The following ALG12 variants were observed in gnomAD, a reference collection of about 807,000 sequenced individuals.
ALG12 encodes ALG12 alpha-1,6-mannosyltransferase.
Under a neutral mutation model 46.0 loss-of-function variants are expected in ALG12, and 36 were observed. The ratio of observed to expected loss-of-function variants is 0.78; its 90% confidence interval spans 0.60 to 1.03. The LOEUF (loss-of-function observed/expected upper bound fraction) is 1.03. Among genes scored for constraint, ALG12 ranks in the 50% least tolerant of loss-of-function variants. ALG12 has a pLI of 0.00. For missense variants in ALG12, 599 were observed against 633.5 expected (o/e 0.95, Z 0.58); for synonymous variants, 326 against 291.6 (o/e 1.12, Z -1.20).
chr22:49,878,560 AAATG>A, the ALG12 span, among the ~76,000 whole-genome samples: 2 of 152,226 alleles, frequency 1.3e-5, no homozygotes, highest in African/African-American at 4.8e-5. Flanking sequence ...ATGTGCAAAA[AAATG>A]AACTTCAATC....
At chr22:49,863,784 G>T in the ALG12 span, among the ~76,000 whole-genome samples, 1 of 152,166 alleles carries the variant, frequency 6.6e-6, no homozygotes, top group African/African-American at 2.4e-5. Context: ...AAATTCATCA[G>T]TTTTCACAAT....
At chr22:49,871,794 G>A in the ALG12 span, among the ~76,000 whole-genome samples, 14 of 149,648 alleles carry the variant, frequency 9.4e-5, no homozygotes, top group Admixed American at 2.0e-4. Flanking sequence ...TTACTCTGTC[G>A]CCCAGGGTGG....
chr22:49,869,121 C>CA, the ALG12 span, among the ~76,000 whole-genome samples: 15,196 of 93,222 alleles, frequency 0.16, 2,049 homozygotes, highest in African/African-American at 0.38. Context: ...AAAACTGTCT[C>CA]AAAAAAAAAA....
the ALG12 span, chr22:49,885,248 C>T: frequency 5.6e-6 from 9 of 1,605,292 alleles, no homozygotes; most frequent in South Asian, 1.1e-5. Context: ...GCCACTTTGG[C>T]CTCTGCAGAA....
chr22:49,884,774 C>T, the ALG12 span: 1 of 1,605,966 alleles, frequency 6.2e-7, no homozygotes, highest in South Asian at 1.1e-5. Flanking sequence ...GAGCTCAGCT[C>T]TGTGTCCTCG....
intron 1 of ALG12, among the ~76,000 whole-genome samples, chr22:49,914,861 G>A (rs774151068): frequency 5.3e-5 from 8 of 152,172 alleles, no homozygotes; most frequent in East Asian, 1.9e-4. Flanking sequence ...CTGAGTAGCC[G>A]CAGCTACAGG....
the ALG12 span, chr22:49,883,993 A>G: frequency 6.2e-7 from 1 of 1,612,960 alleles, no homozygotes; most frequent in Non-Finnish European, 8.5e-7. Flanking sequence ...TTCCAGCCGG[A>G]ACATGAGCTC....
At chr22:49,892,239 C>T in the ALG12 span, among the ~76,000 whole-genome samples, 1 of 136,128 alleles carries the variant, frequency 7.3e-6, no homozygotes, top group Non-Finnish European at 1.6e-5. Flanking sequence ...GAGAGTAAGA[C>T]AGCCAGGATT....
the ALG12 span, chr22:49,888,236 T>C: frequency 6.0e-6 from 1 of 167,042 alleles, no homozygotes; most frequent in Non-Finnish European, 1.5e-5. Context: ...AGTTATGTCT[T>C]CAGAGAAAAA....
downstream of ALG12, among the ~76,000 whole-genome samples, chr22:49,895,608 C>T (rs1171933924): frequency 2.0e-5 from 3 of 150,888 alleles, no homozygotes; most frequent in Non-Finnish European, 4.4e-5. Context: ...GCTGAGGTCG[C>T]ACCATTGCAC....
At chr22:49,870,834 C>T in the ALG12 span, among the ~76,000 whole-genome samples, 4 of 151,846 alleles carry the variant, frequency 2.6e-5, no homozygotes, top group Non-Finnish European at 5.9e-5. Flanking sequence ...TTAGTTAGGT[C>T]CCAGTTGTCA....
the ALG12 span, chr22:49,883,939 A>C: frequency 6.2e-7 from 1 of 1,613,398 alleles, no homozygotes; most frequent in Non-Finnish European, 8.5e-7. Context: ...GTACAGCAGC[A>C]CCCTATACGA....
At chr22:49,865,794 G>A in the ALG12 span, among the ~76,000 whole-genome samples, 1 of 152,008 alleles carries the variant, frequency 6.6e-6, no homozygotes, top group South Asian at 2.1e-4. Flanking sequence ...CATCTTGATA[G>A]TAGTTTTTCT....
chr22:49,859,638 C>G, the ALG12 span, among the ~76,000 whole-genome samples: 1 of 152,236 alleles, frequency 6.6e-6, no homozygotes, highest in East Asian at 1.9e-4. Flanking sequence ...GCTTAATGCC[C>G]TGTTCGCGGA....
the ALG12 span, chr22:49,886,028 A>G: frequency 1.5e-6 from 1 of 686,746 alleles, no homozygotes; most frequent in Non-Finnish European, 2.7e-6. The surrounding 1 kb of genome is among the most constrained non-coding windows in gnomAD (Gnocchi z 7.7). Context: ...AAGCAGCTGG[A>G]GTGCTGGTGG....
At chr22:49,882,127 G>C in the ALG12 span, among the ~76,000 whole-genome samples, 1 of 152,194 alleles carries the variant, frequency 6.6e-6, no homozygotes, top group Non-Finnish European at 1.5e-5. Flanking sequence ...GGAATGTCGG[G>C]TTCAGCTCCT....
chr22:49,886,730 A>G, the ALG12 span: 1 of 1,613,232 alleles, frequency 6.2e-7, no homozygotes, highest in Non-Finnish European at 8.5e-7. This position sits in a 1 kb window ranked among gnomAD's most constrained non-coding sequence, Gnocchi z 7.7. Context: ...GAGGAGGCGG[A>G]GCAGTACAAA....
chr22:49,880,534 C>G, the ALG12 span, among the ~76,000 whole-genome samples: 130 of 152,348 alleles, frequency 8.5e-4, 1 homozygote, highest in East Asian at 0.023. Flanking sequence ...CTTCTGTGAT[C>G]ACTGTCCTGT....
chr22:49,884,443 C>G, the ALG12 span: 4 of 1,614,222 alleles, frequency 2.5e-6, no homozygotes, highest in Non-Finnish European at 3.4e-6. Flanking sequence ...CCTCCCTGCT[C>G]TCCATTACGA....
Sources: allele counts gnomAD v4.1 joint callset (sites outside exome capture counted in the v4.1 genomes callset), GRCh38; gene constraint gnomAD v4.1.1; non-coding constraint Gnocchi (gnomAD v3.1); transcripts MANE v1.5; gene names NCBI Gene and HGNC (gene_info 2026-07-23, HGNC 2026-07-21).